The following TMEM47 variants were observed in gnomAD, a reference collection of about 807,000 sequenced individuals.
The protein encoded by TMEM47 is transmembrane protein 47, also known as brain cell membrane protein 1.
Under a neutral mutation model 12.4 loss-of-function variants are expected in TMEM47, and 3 were observed. That is an observed-to-expected ratio of 0.24 (90% CI 0.11 to 0.63). The LOEUF (loss-of-function observed/expected upper bound fraction) is 0.63. Among genes scored for constraint, TMEM47 ranks in the 20% least tolerant of loss-of-function variants. The probability of loss-of-function intolerance (pLI) is 0.86; values close to 1 mark genes in which losing one functional copy is unlikely to be tolerated. For synonymous variants in TMEM47, 62 were observed against 63.3 expected, an observed-to-expected ratio of 0.98 and a Z score of 0.10; for missense variants, 89 against 143.8, an observed-to-expected ratio of 0.62 and a Z score of 1.95.
intron 2 of TMEM47, among the ~76,000 whole-genome samples, chrX:34,631,871 A>G (rs969861483): frequency 2.7e-5 from 3 of 112,131 alleles, no homozygotes; most frequent in African/African-American, 9.7e-5. Context: ...TTTAACTACA[A>G]TTAGTTAACT....
At chrX:34,652,641 A>C (rs1922036748) in intron 1 of TMEM47, among the ~76,000 whole-genome samples, 1 of 111,760 alleles carries the variant, frequency 8.9e-6, no homozygotes, top group Non-Finnish European at 1.9e-5. Flanking sequence ...GTCCTTTGTA[A>C]AAGTAAATCT....
chrX:34,653,173 C>T (rs2097932462), intron 1 of TMEM47, among the ~76,000 whole-genome samples: 2 of 111,326 alleles, frequency 1.8e-5, no homozygotes, highest in African/African-American at 6.5e-5. Context: ...AAAAGATCTA[C>T]ATATAAAGCA....
At chrX:34,651,492 G>T (rs938632135) in intron 1 of TMEM47, among the ~76,000 whole-genome samples, 1 of 111,883 alleles carries the variant, frequency 8.9e-6, no homozygotes, top group African/African-American at 3.3e-5. Flanking sequence ...TTCCACAAGG[G>T]CTCCAGACAT....
At chrX:34,642,237 C>T (rs755277729) in intron 1 of TMEM47, among the ~76,000 whole-genome samples, 5 of 112,781 alleles carry the variant, frequency 4.4e-5, no homozygotes, top group Non-Finnish European at 9.4e-5. Context: ...AACCATTATA[C>T]TTTATTTAGC....
chrX:34,639,824 C>G (rs2147138995), intron 1 of TMEM47, among the ~76,000 whole-genome samples: 1 of 111,327 alleles, frequency 9.0e-6, no homozygotes, highest in African/African-American at 3.3e-5. Flanking sequence ...CCAGATTTTT[C>G]TCTTGCGCCC....
chrX:34,648,577 T>G (rs967787360), intron 1 of TMEM47, among the ~76,000 whole-genome samples: 1 of 111,876 alleles, frequency 8.9e-6, no homozygotes, highest in Non-Finnish European at 1.9e-5. Context: ...AACCATAAAC[T>G]ATAAACTACG....
intron 1 of TMEM47, among the ~76,000 whole-genome samples, chrX:34,651,178 C>T (rs1276334765): frequency 8.9e-6 from 1 of 112,053 alleles, no homozygotes; most frequent in Non-Finnish European, 1.9e-5. Context: ...TAAATCCAAG[C>T]TGGCCATATG....
Position 34,630,427 on chromosome X carries a change from T to G in TMEM47, c.432A>C (p.Lys144Asn). 8.3e-7 allele frequency: 1 copy of G among 1,210,867 alleles called. No homozygotes were observed. Among genetic ancestry groups the G allele is most frequent in the Non-Finnish European group, 1.1e-6 (1 of 895,041 alleles). The change falls in exon 3 of 3, where the codon AAA becomes AAC. Residue 144 changes from lysine (K) to asparagine (N), a missense_variant. Transcript: ENST00000275954. ...AACCCCAGTTGAACTCATGGTAAAT[T>G]TTCAAGCTCACAGTTTCAATGAACT... ...PIKFIETVSL[K>N]IYHEFNWGYG...
chrX:34,648,509 C>T (rs760606170), intron 1 of TMEM47, among the ~76,000 whole-genome samples: 16 of 111,805 alleles, frequency 1.4e-4, no homozygotes, highest in Non-Finnish European at 2.8e-4. Flanking sequence ...TGACCCCTTT[C>T]TTACACTACA....
intron 1 of TMEM47, among the ~76,000 whole-genome samples, chrX:34,654,613 A>G (rs901308478): frequency 1.8e-5 from 2 of 111,809 alleles, no homozygotes; most frequent in Non-Finnish European, 3.8e-5. Flanking sequence ...AAGTGGGGAC[A>G]CAGAGCAATT....
chrX:34,636,563 C>T (rs1921720131), intron 2 of TMEM47, among the ~76,000 whole-genome samples: 1 of 111,718 alleles, frequency 9.0e-6, no homozygotes, highest in African/African-American at 3.3e-5. Flanking sequence ...AAGAGGCAGT[C>T]CCTCTAATTT....
chrX:34,644,101 A>G (rs1284402666), intron 1 of TMEM47, among the ~76,000 whole-genome samples: 2 of 111,586 alleles, frequency 1.8e-5, no homozygotes, highest in Non-Finnish European at 3.8e-5. Flanking sequence ...GTAAAAAGAA[A>G]AAAAAACTCC....
In TMEM47 at chrX:34,657,114, A is replaced by G; in HGVS notation, c.-85T>C. 1 of 1,055,110 alleles carries G rather than the reference A, an allele frequency of 9.5e-7. No individual in the cohort carries two copies. The highest frequency in any genetic ancestry group is 3.8e-5 in the East Asian group (1 of 26,470). The allele number at this position is 1,055,110 out of a possible 1,213,427, so 87.0% of individuals were successfully genotyped here. A position where few individuals can be genotyped will look rare whatever the true frequency, so the allele number is the denominator to read the frequency against. On this transcript the variant is annotated 5_prime_UTR_variant, in exon 1 of 3. Coordinates refer to ENST00000275954, the MANE Select transcript of TMEM47 (RefSeq NM_031442.4). ...GCCGGGAGCCGGACCTCCCGAAGGG[A>G]GAAGCCGCCGAGCTGCCACGCGCGG...
Position 34,639,655 on chromosome X carries a change from C to T in TMEM47, c.227-268G>A, listed in dbSNP as rs757170766. 1.6e-3 allele frequency among the ~76,000 whole-genome samples: 181 copies of T among 111,834 alleles called. 4 individuals are homozygous for T. The highest frequency in any genetic ancestry group is 5.7e-3 in the African/African-American group (177 of 30,823). On this transcript the variant is annotated intron_variant, in intron 1 of 2. Transcript: ENST00000275954. ...ACTCTATTAGGCATTCATGTTAAAT[C>T]AAGTGTCCCCTCCATGACCTATTTT... is the stretch of plus-strand genomic sequence containing the variant.
At chrX:34,647,140 C>T (rs1921926389) in intron 1 of TMEM47, among the ~76,000 whole-genome samples, 2 of 110,708 alleles carry the variant, frequency 1.8e-5, no homozygotes, top group African/African-American at 6.6e-5. Context: ...CGAATGTACC[C>T]CCCTTTAAGT....
intron 2 of TMEM47, among the ~76,000 whole-genome samples, chrX:34,631,102 G>A (rs948648881): frequency 9.9e-6 from 1 of 101,179 alleles, no homozygotes; most frequent in Non-Finnish European, 2.0e-5. Flanking sequence ...ACCAGGGAGG[G>A]GGAGGTTGCA....
chrX:34,635,356 T>G (rs1047170825), intron 2 of TMEM47, among the ~76,000 whole-genome samples: 4 of 111,829 alleles, frequency 3.6e-5, no homozygotes, highest in African/African-American at 9.7e-5. Context: ...CCCGTCTCAT[T>G]TTCCATACTC....
chrX:34,649,087 C>A (rs1042204505), intron 1 of TMEM47, among the ~76,000 whole-genome samples: 1 of 111,689 alleles, frequency 9.0e-6, no homozygotes, highest in African/African-American at 3.3e-5. Context: ...AACACTTATA[C>A]ACAGTTATTG....
chrX:34,633,956 A>T (rs980642992), intron 2 of TMEM47, among the ~76,000 whole-genome samples: 1 of 111,718 alleles, frequency 9.0e-6, no homozygotes. Flanking sequence ...ATGTAATAGC[A>T]AAACTGAGAA....
Sources: gnomAD v4.1 joint callset for allele counts (sites outside exome capture counted in the v4.1 genomes callset) on GRCh38, gnomAD v4.1.1 for gene constraint, MANE v1.5 for transcripts, NCBI Gene and HGNC (gene_info 2026-07-23, HGNC 2026-07-21) for gene names.